PDZD8: variants seen among roughly 807,000 people sequenced by gnomAD.
The protein encoded by PDZD8 is PDZ domain-containing protein 8.
PDZD8 carries 14 observed loss-of-function variants against 85.8 expected under a neutral mutation model. The ratio of observed to expected loss-of-function variants is 0.16; its 90% CI spans 0.11 to 0.26. The LOEUF (loss-of-function observed/expected upper bound fraction) is 0.26. Among genes scored for constraint, PDZD8 ranks in the 10% least tolerant of loss-of-function variants. The pLI is 1.00. For missense variants in PDZD8, 1,197 were observed against 1,424.3 expected (o/e 0.84, Z 2.57); for synonymous variants, 592 against 568.6 (o/e 1.04, Z -0.59).
intron 3 of PDZD8, among the ~76,000 whole-genome samples, chr10:117,316,118 C>A (rs1844124779): frequency 6.6e-6 from 1 of 152,140 alleles, no homozygotes; most frequent in Non-Finnish European, 1.5e-5. Flanking sequence ...TATACCTCAG[C>A]TATCTTGGCT....
intron 1 of PDZD8, among the ~76,000 whole-genome samples, chr10:117,347,749 C>G (rs1031536206): frequency 2.6e-5 from 4 of 151,884 alleles, no homozygotes; most frequent in Admixed American, 2.6e-4. Flanking sequence ...ATTAGTGAAA[C>G]ACATAATGGG....
intron 3 of PDZD8, among the ~76,000 whole-genome samples, chr10:117,305,247 T>C (rs2133787311): frequency 6.6e-6 from 1 of 152,114 alleles, no homozygotes; most frequent in African/African-American, 2.4e-5. Context: ...ACCCCATCTC[T>C]ACTAAAAATA....
At position 117,318,878 on chromosome 10, in the gene PDZD8, A is replaced by C. The variant is rs1247167288; in HGVS notation, c.1092T>G (p.Ile364Met). The change falls in exon 3 of 5, where the codon ATT becomes ATG. Residue 364 changes from isoleucine (I) to methionine (M), a missense_variant. This residue lies in a region of PDZD8 where 344 missense variants were observed against 453.6 expected (regional missense o/e 0.76). Transcript: ENST00000334464. Reference sequence around the variant, plus strand: ...CACTGTAAATCCATTTTACCGTCTTAATAGAACTCCTCTGTTTTTCTTCCC... The same window carrying C: ...CACTGTAAATCCATTTTACCGTCTTCATAGAACTCCTCTGTTTTTCTTCCC... ...SVWEEKQRSS[I>M]KTVELIKGNL... is the part of the protein sequence containing the mutation. 1.3e-6 allele frequency: 2 copies of C among 1,589,730 alleles called. No individual in the cohort carries two copies. Among genetic ancestry groups the C allele is most frequent in the Non-Finnish European group, 1.7e-6 (2 of 1,158,702 alleles).
chr10:117,301,976 T>C (rs1843855737), intron 3 of PDZD8, among the ~76,000 whole-genome samples: 2 of 152,192 alleles, frequency 1.3e-5, no homozygotes, highest in Non-Finnish European at 2.9e-5. Context: ...ACTAGACTAC[T>C]ATTACTCAAT....
In PDZD8 at chr10:117,374,802, C is replaced by A; in HGVS notation, c.426G>T (p.Gly142=). 2.5e-6 allele frequency: 4 copies of A among 1,613,352 alleles called. No homozygotes were observed. Among genetic ancestry groups the A allele is most frequent in the Non-Finnish European group, 2.5e-6 (3 of 1,179,892 alleles). The change falls in exon 1 of 5, where the codon GGG becomes GGT. Residue 142 remains glycine, a synonymous_variant. Coordinates refer to ENST00000334464, the MANE Select transcript of PDZD8 (RefSeq NM_173791.5). The surrounding 1 kb of genome is among the most constrained non-coding windows in gnomAD (Gnocchi z 7.8). ...QTKTAGRLLE[G]LSLRDVFLGE... ...CCAGGAACACGTCCCGCAGGCTCAG[C>A]CCCTCCAGCAGGCGCCCGGCCGTCT...
chr10:117,285,083 G>A lies in PDZD8; in HGVS notation c.1650C>T (p.His550=). 1 of 1,613,996 alleles carries A rather than the reference G, an allele frequency of 6.2e-7. No homozygotes were observed. Among genetic ancestry groups the A allele is most frequent in the Non-Finnish European group, 8.5e-7 (1 of 1,179,914 alleles). Residue 550 remains histidine, a synonymous_variant, in exon 5 of 5, where the codon CAC becomes CAT. Coordinates refer to ENST00000334464, the MANE Select transcript of PDZD8 (RefSeq NM_173791.5). ...TGGACTGAATTTTCGGTGGTAGTGG[G>A]TGACTTCCTACAGCTAATTTACGGT... ...VLNRKLAVGS[H]PLPPKIQSKD...
intron 3 of PDZD8, among the ~76,000 whole-genome samples, chr10:117,298,641 T>G (rs531154465): frequency 6.6e-6 from 1 of 152,256 alleles, no homozygotes; most frequent in African/African-American, 2.4e-5. Context: ...TTCTTCCCTC[T>G]TTCTCTCCTC....
Position 117,285,367 on chromosome 10 carries a change from C to T in PDZD8, c.1366G>A (p.Ala456Thr), listed in dbSNP as rs1302819348. The change falls in exon 5 of 5, where the codon GCA becomes ACA. Residue 456 changes from alanine (A) to threonine (T), a missense_variant. Transcript: ENST00000334464. ...TGGCCAAAGTTATCTTGCAGCACTG[C>T]ACCTTGATTACTCTGGCCAACAGGC... ...ERPVGQSNQGAVLQDNFGQLE... is the reference protein window; with the variant it reads ...ERPVGQSNQGTVLQDNFGQLE... 1.9e-6 allele frequency: 3 copies of T among 1,614,174 alleles called. No homozygotes were observed. The highest frequency in any genetic ancestry group is 2.5e-6 in the Non-Finnish European group (3 of 1,180,030).
intron 1 of PDZD8, among the ~76,000 whole-genome samples, chr10:117,354,322 C>CTA (rs1285512489): frequency 2.0e-5 from 3 of 152,228 alleles, no homozygotes; most frequent in African/African-American, 7.2e-5. Context: ...AGAGTTCACA[C>CTA]ATGTGATACA....
chr10:117,328,582 T>G (rs1340740996), intron 2 of PDZD8, among the ~76,000 whole-genome samples: 1 of 152,094 alleles, frequency 6.6e-6, no homozygotes, highest in Admixed American at 6.6e-5. Flanking sequence ...CAGCTAATTT[T>G]TTTTTTCTAT....
Position 117,278,504 on chromosome 10 carries a change from T to C in PDZD8, c.*4764A>G, listed in dbSNP as rs921709028. The stretch of plus-strand genomic sequence containing the variant: ...TTTTCAGTGTAACAGCAAATACTGT[T>C]AGTGAACATTGTCAATTTATGTCAT... On this transcript the variant is annotated 3_prime_UTR_variant, in exon 5 of 5. Transcript: ENST00000334464. 10 of 152,234 alleles carry C rather than the reference T, an allele frequency of 6.6e-5. No homozygotes were observed. The South Asian group carries it at 8.3e-4, about 13-fold the overall frequency. 9.4% of individuals were successfully genotyped at this position (152,234 alleles called of 1,614,324 possible). A position where few individuals can be genotyped will look rare whatever the true frequency, so the allele number is the denominator to read the frequency against.
At chr10:117,326,969 G>A (rs1043245539) in intron 2 of PDZD8, among the ~76,000 whole-genome samples, 8 of 152,208 alleles carry the variant, frequency 5.3e-5, no homozygotes, top group Middle Eastern at 3.4e-3. Flanking sequence ...TGGTTCATGG[G>A]GACCCTGCTT....
At chr10:117,323,404 C>T (rs191009376) in intron 2 of PDZD8, among the ~76,000 whole-genome samples, 8 of 152,270 alleles carry the variant, frequency 5.3e-5, no homozygotes, top group South Asian at 4.1e-4. Context: ...AGTCTACTAC[C>T]GTTTGAACTA....
chr10:117,368,875 T>G (rs112437253), intron 1 of PDZD8, among the ~76,000 whole-genome samples: 421 of 111,594 alleles, frequency 3.8e-3, no homozygotes, highest in Middle Eastern at 5.0e-3. Flanking sequence ...TTTTTTTTTT[T>G]GAGACAGTCT....
intron 3 of PDZD8, among the ~76,000 whole-genome samples, chr10:117,290,880 T>C: frequency 9.2e-6 from 1 of 109,282 alleles, no homozygotes; most frequent in South Asian, 3.0e-4. Context: ...TTTTTTTTTT[T>C]TTTTTTTGAG....
At chr10:117,331,530 C>T (rs754354148) in intron 2 of PDZD8, among the ~76,000 whole-genome samples, 25 of 152,024 alleles carry the variant, frequency 1.6e-4, no homozygotes, top group Non-Finnish European at 2.9e-4. Context: ...AAATGCTACC[C>T]GTGAATAAAA....
intron 1 of PDZD8, among the ~76,000 whole-genome samples, chr10:117,361,933 G>A (rs558193943): frequency 6.6e-6 from 1 of 152,216 alleles, no homozygotes; most frequent in African/African-American, 2.4e-5. Context: ...TAGGTTATAT[G>A]CAAATACTAT....
intron 4 of PDZD8, among the ~76,000 whole-genome samples, chr10:117,287,808 T>C (rs936488313): frequency 1.3e-5 from 2 of 152,236 alleles, no homozygotes; most frequent in African/African-American, 2.4e-5. Flanking sequence ...CCTACAAACT[T>C]ATCACATGGA....
In PDZD8 at chr10:117,277,549, A is replaced by G. The variant is rs549800487; in HGVS notation, c.*5719T>C. On this transcript the variant is annotated 3_prime_UTR_variant, in exon 5 of 5. Transcript: ENST00000334464. ...TTTTGATGAAATAGGTATTGTGTAA[A>G]TCTATAAATATTTGAATCCAAACCA... 1.5e-4 allele frequency: 28 copies of G among 186,004 alleles called. No homozygotes were observed. The highest frequency in any genetic ancestry group is 6.5e-4 in the African/African-American group (28 of 42,832). The allele number at this position is 186,004 out of a possible 1,614,324, so 11.5% of individuals were successfully genotyped here.
Sources: allele counts gnomAD v4.1 joint callset (sites outside exome capture counted in the v4.1 genomes callset), GRCh38; gene constraint gnomAD v4.1.1; regional missense constraint gnomAD v4.1.1; non-coding constraint Gnocchi (gnomAD v3.1); transcripts MANE v1.5; gene names NCBI Gene and HGNC (gene_info 2026-07-23, HGNC 2026-07-21).